Variants in KLF13 observed in about 807,000 individuals in gnomAD.
KLF13 encodes Krueppel-like factor 13.
Under a neutral mutation model 16.7 loss-of-function variants are expected in KLF13, and 8 were observed. The observed-to-expected ratio is 0.48, with a 90% CI of 0.28 to 0.87. The LOEUF (loss-of-function observed/expected upper bound fraction) is 0.87. KLF13 is among the 40% of genes least tolerant of loss of function. KLF13 has a pLI of 0.10. For synonymous variants in KLF13, 245 were observed against 208.4 expected, an observed-to-expected ratio of 1.18 and a Z score of -1.51; for missense variants, 447 against 452.2, an observed-to-expected ratio of 0.99 and a Z score of 0.10.
In KLF13 at chr15:31,327,680, T is replaced by G; in HGVS notation, c.468T>G (p.Ser156Arg). The change falls in exon 1 of 2, where the codon AGT becomes AGG. Residue 156 changes from serine to arginine, a missense_variant. Around this residue, in one of 2 missense-constraint regions of KLF13, gnomAD observed 359 missense variants for 282.8 expected, o/e 1.27. Transcript: ENST00000307145. Reference sequence around the variant, plus strand: ...GACAAAGGGTCCGGCGGGGCCGAAGTCGCGCCGACCTCGAGTCCCCGCAGA... The same window carrying G: ...GACAAAGGGTCCGGCGGGGCCGAAGGCGCGCCGACCTCGAGTCCCCGCAGA... ...GLRQRVRRGR[S>R]RADLESPQRK... 3 of 1,519,480 alleles carry G rather than the reference T, an allele frequency of 2.0e-6. No homozygotes were observed. The South Asian group carries it at 3.6e-5, about 18-fold the overall frequency. 94.1% of individuals were successfully genotyped at this position (1,519,480 alleles called of 1,614,324 possible). A position where few individuals can be genotyped will look rare whatever the true frequency, so the allele number is the denominator to read the frequency against.
At chr15:31,342,045 C>T (rs2039032502) in intron 1 of KLF13, among the ~76,000 whole-genome samples, 1 of 152,202 alleles carries the variant, frequency 6.6e-6, no homozygotes, top group South Asian at 2.1e-4. Flanking sequence ...CAGGTACCAA[C>T]AGGCTGTACC....
At chr15:31,417,435 C>T (rs2040267975) in intron 1 of KLF13, among the ~76,000 whole-genome samples, 1 of 151,372 alleles carries the variant, frequency 6.6e-6, no homozygotes, top group African/African-American at 2.4e-5. Context: ...GCAGAGGTTG[C>T]AGTGAGCTGA....
Position 31,327,285 on chromosome 15 carries a change from C to G in KLF13, c.73C>G (p.His25Asp). The G allele has an allele frequency of 7.5e-7, 1 of 1,332,554 alleles. No individual in the cohort carries two copies. The highest frequency in any genetic ancestry group is 9.6e-7 in the Non-Finnish European group (1 of 1,042,852). The allele number at this position is 1,332,554 out of a possible 1,614,324, so 82.5% of individuals were successfully genotyped here. The stretch of plus-strand genomic sequence containing the variant: ...GTCCATGTCGAGCCGCGCGGTCGTG[C>G]ACGGGCCGCGGGAGGGGCCGGAGTC... ...LVSMSSRAVV[H>D]GPREGPESRP... Residue 25 changes from histidine (H) to aspartate (D), a missense_variant, in exon 1 of 2, where the codon CAC becomes GAC. Transcript: ENST00000307145.
At chr15:31,422,020 C>T (rs1009376294) in intron 1 of KLF13, among the ~76,000 whole-genome samples, 89 of 151,808 alleles carry the variant, frequency 5.9e-4, no homozygotes, top group African/African-American at 2.1e-3. Flanking sequence ...GAGGCTGAGG[C>T]AGGAGAATAG....
At chr15:31,382,647 A>G (rs1010310245), downstream of KLF13, among the ~76,000 whole-genome samples, 7 of 152,276 alleles carry the variant, frequency 4.6e-5, no homozygotes, top group African/African-American at 9.6e-5. Flanking sequence ...AGTGTGTCCA[A>G]TGCAATGTCC....
rs148956142 is a variant in KLF13, at chr15:31,396,773, T to C, written n.529+3082T>C. Among the ~76,000 whole-genome samples the C allele has an allele frequency of 1.6e-4, 24 of 152,308 alleles. No individual in the cohort carries two copies. In the East Asian group the frequency reaches 1.9e-3, roughly 12 times the overall value. On this transcript the variant is annotated intron_variant and non_coding_transcript_variant, in intron 2 of 2. Coordinates refer to the KLF13 transcript ENST00000500533. ...AGCTGCGTGACTCCTAAACCATAAT[T>C]TCTAATTTTTTGGCTAATTTATTAG...
chr15:31,367,042 G>A (rs140339124), intron 1 of KLF13, among the ~76,000 whole-genome samples: 69 of 152,332 alleles, frequency 4.5e-4, no homozygotes, highest in African/African-American at 1.6e-3. Flanking sequence ...GAAAGCAGTG[G>A]CTCCCGCCCA....
At chr15:31,389,093 G>A (rs1240560791), upstream of KLF13, among the ~76,000 whole-genome samples, 1 of 152,060 alleles carries the variant, frequency 6.6e-6, no homozygotes, top group Non-Finnish European at 1.5e-5. Context: ...TGCCACCCCT[G>A]AGACAGCAAG....
intron 1 of KLF13, among the ~76,000 whole-genome samples, chr15:31,385,536 T>C (rs956919727): frequency 6.6e-6 from 1 of 152,236 alleles, no homozygotes; most frequent in African/African-American, 2.4e-5. Context: ...ATTTTGGTAT[T>C]TCTCAAAATA....
chr15:31,335,683 G>A (rs9920314), intron 1 of KLF13, among the ~76,000 whole-genome samples: 79,062 of 152,006 alleles, frequency 0.52, 22,250 homozygotes, highest in South Asian at 0.63. Context: ...GCTGCACTCC[G>A]TGGCCATTGG....
intron 1 of KLF13, among the ~76,000 whole-genome samples, chr15:31,415,464 T>A (rs1165033420): frequency 6.6e-6 from 1 of 152,128 alleles, no homozygotes; most frequent in African/African-American, 2.4e-5. Context: ...GGAATGAAAT[T>A]AGAAATTTAT....
chr15:31,348,150 C>T (rs548041929), intron 1 of KLF13, among the ~76,000 whole-genome samples: 57 of 152,294 alleles, frequency 3.7e-4, no homozygotes, highest in Admixed American at 2.6e-4. Context: ...GAAGAAAGGA[C>T]GCCACTCCTC....
At chr15:31,331,570 A>G (rs73381270) in intron 1 of KLF13, among the ~76,000 whole-genome samples, 69 of 152,308 alleles carry the variant, frequency 4.5e-4, no homozygotes, top group African/African-American at 1.5e-3. Flanking sequence ...AGCAGAGGGC[A>G]TCTGGGTGGG....
At chr15:31,404,741 C>G (rs773511662), downstream of KLF13, 4 of 152,274 alleles carry the variant, frequency 2.6e-5, no homozygotes, top group Non-Finnish European at 4.4e-5. Context: ...CTCTTTGGGT[C>G]CGTGCCACCT....
At chr15:31,331,277 C>T (rs769942341) in intron 1 of KLF13, among the ~76,000 whole-genome samples, 8 of 152,174 alleles carry the variant, frequency 5.3e-5, no homozygotes, top group Non-Finnish European at 1.2e-4. Context: ...CTGCAGAACC[C>T]GAGGCATGTT....
chr15:31,400,981 T>C (rs1480768862), intron 2 of KLF13, among the ~76,000 whole-genome samples: 1 of 152,002 alleles, frequency 6.6e-6, no homozygotes, highest in Non-Finnish European at 1.5e-5. Flanking sequence ...GGTGCTGCAA[T>C]GTGTCCCGTC....
At chr15:31,381,171 C>CAAAAAAAAAA (rs398043115), downstream of KLF13, among the ~76,000 whole-genome samples, 2 of 121,510 alleles carry the variant, frequency 1.6e-5, 1 homozygote, top group Non-Finnish European at 3.3e-5. Context: ...GACTCTGTCT[C>CAAAAAAAAAA]AAAAAAAAAA....
intron 1 of KLF13, among the ~76,000 whole-genome samples, chr15:31,345,319 G>C (rs1044311853): frequency 6.6e-6 from 1 of 152,198 alleles, no homozygotes; most frequent in Admixed American, 6.5e-5. Flanking sequence ...CCTTGAGGGC[G>C]TGGTGTCTGA....
At chr15:31,419,401 T>C (rs575745321) in intron 1 of KLF13, among the ~76,000 whole-genome samples, 1 of 152,112 alleles carries the variant, frequency 6.6e-6, no homozygotes, top group African/African-American at 2.4e-5. Context: ...AGTACACAGA[T>C]AGACAACTAA....
Sources: gnomAD v4.1 joint callset for allele counts (sites outside exome capture counted in the v4.1 genomes callset) on GRCh38, gnomAD v4.1.1 for gene constraint, gnomAD v4.1.1 regional missense constraint, MANE v1.5 for transcripts, NCBI Gene and HGNC (gene_info 2026-07-23, HGNC 2026-07-21) for gene names.